Variants in LRRIQ1 observed in about 807,000 individuals in gnomAD.
The protein encoded by LRRIQ1 is leucine rich repeats and IQ motif containing 1, also known as leucine-rich repeat- and IQ domain-containing protein 1.
A neutral mutation model predicts 211.9 loss-of-function variants in LRRIQ1; 210 were observed. The observed-to-expected ratio is 0.99, with a 90% CI of 0.89 to 1.11. The LOEUF (loss-of-function observed/expected upper bound fraction) is 1.11. Ranked by LOEUF, LRRIQ1 falls within the 50% of genes most tolerant of loss-of-function variation. The pLI is 0.00. For synonymous variants in LRRIQ1, 699 were observed against 650.1 expected, an observed-to-expected ratio of 1.08 and a Z score of -1.14; for missense variants, 2,136 against 1,939.5, an observed-to-expected ratio of 1.10 and a Z score of -1.90.
At chr12:85,207,063 G>A (rs1893593806) in intron 24 of LRRIQ1, among the ~76,000 whole-genome samples, 1 of 152,132 alleles carries the variant, frequency 6.6e-6, no homozygotes, top group African/African-American at 2.4e-5. Context: ...TTCATGTCCT[G>A]GAGGACCGTG....
chr12:85,124,607 T>C, intron 17 of LRRIQ1, 88 bp downstream of exon 17: 2 of 1,016,318 alleles, frequency 2.0e-6, no homozygotes, highest in East Asian at 2.5e-5. Context: ...AGTAATTTGC[T>C]GAAGGATTCA....
At chr12:85,215,323 C>T (rs1339875838) in intron 24 of LRRIQ1, among the ~76,000 whole-genome samples, 1 of 152,120 alleles carries the variant, frequency 6.6e-6, no homozygotes, top group Middle Eastern at 3.2e-3. Flanking sequence ...TCATAGGAAG[C>T]CTTGCACAAG....
At chr12:85,105,626 A>G (rs956178162) in intron 14 of LRRIQ1, among the ~76,000 whole-genome samples, 1 of 151,662 alleles carries the variant, frequency 6.6e-6, no homozygotes, top group Non-Finnish European at 1.5e-5. Flanking sequence ...TACATTGAAC[A>G]TTGTAGATAG....
intron 24 of LRRIQ1, among the ~76,000 whole-genome samples, chr12:85,175,473 A>G (rs1891648043): frequency 6.6e-6 from 1 of 152,150 alleles, no homozygotes; most frequent in Admixed American, 6.5e-5. Context: ...AATCTAGGAG[A>G]TATAGGAAGT....
chr12:85,140,127 A>G (rs1266785407), intron 19 of LRRIQ1, among the ~76,000 whole-genome samples: 1 of 151,296 alleles, frequency 6.6e-6, no homozygotes, highest in Non-Finnish European at 1.5e-5. Flanking sequence ...TTTATCTCCA[A>G]TGTTTTTCAA....
chr12:85,171,892 G>T (rs1230061362), intron 24 of LRRIQ1, among the ~76,000 whole-genome samples: 1 of 152,132 alleles, frequency 6.6e-6, no homozygotes. Context: ...ACAACTGTGA[G>T]CAAATAAATT....
intron 15 of LRRIQ1, among the ~76,000 whole-genome samples, chr12:85,114,392 T>C (rs961650626): frequency 6.6e-6 from 1 of 152,186 alleles, no homozygotes; most frequent in Non-Finnish European, 1.5e-5. Context: ...ATCTTGCTGA[T>C]CTGGTGTCAC....
At chr12:85,212,202 C>T (rs1893867746) in intron 24 of LRRIQ1, among the ~76,000 whole-genome samples, 2 of 151,956 alleles carry the variant, frequency 1.3e-5, no homozygotes, top group African/African-American at 2.4e-5. Context: ...GGAGAATCAC[C>T]TGAGCCCAGG....
Position 85,067,904 on chromosome 12 carries a change from G to A in LRRIQ1, c.2695+1006G>A, listed in dbSNP as rs565811324. ...TTCTTCCCCTTTATTGTCAAGTTTC[G>A]GGAAAGAAAGAATGTTTTGTGTTTG... On this transcript the variant is annotated intron_variant, in intron 10 of 26. Coordinates refer to ENST00000393217, the MANE Select transcript of LRRIQ1 (RefSeq NM_001079910.2). Among the ~76,000 whole-genome samples the A allele has an allele frequency of 1.3e-4, 20 of 151,872 alleles. No homozygotes were observed. The East Asian group carries it at 3.5e-3, about 27-fold the overall frequency.
At position 85,055,769 on chromosome 12, in the gene LRRIQ1, G is replaced by A. The variant is rs763392354; in HGVS notation, c.976G>A (p.Ala326Thr). 17 of 1,604,514 alleles carry A rather than the reference G, an allele frequency of 1.1e-5. No homozygotes were observed. The highest frequency in any genetic ancestry group is 3.4e-6 in the Non-Finnish European group (4 of 1,175,276). The change falls in exon 8 of 27, where the codon GCA (alanine) becomes ACA (threonine). Residue 326 changes from alanine (A) to threonine (T), a missense_variant. Coordinates refer to ENST00000393217, the MANE Select transcript of LRRIQ1 (RefSeq NM_001079910.2). ...AGCACAAGAGTGGAAGGAAAAGGAA[G>A]CAAAAATACGACAAAAGGAGGAAGA... ...RKAQEWKEKE[A>T]KIRQKEEENR... is the part of the protein sequence containing the mutation.
chr12:85,198,543 G>A (rs568622098), intron 24 of LRRIQ1, among the ~76,000 whole-genome samples: 9 of 150,504 alleles, frequency 6.0e-5, no homozygotes, highest in African/African-American at 2.2e-4. Flanking sequence ...GTTTTAATTA[G>A]TATTTCTCTA....
At chr12:85,236,019 G>T (rs1391028726) in intron 26 of LRRIQ1, among the ~76,000 whole-genome samples, 1 of 152,120 alleles carries the variant, frequency 6.6e-6, no homozygotes, top group Non-Finnish European at 1.5e-5. Context: ...ATAGATCTAT[G>T]ACTCTGTACT....
chr12:85,043,306 C>T (rs1269682532), intron 3 of LRRIQ1, among the ~76,000 whole-genome samples: 1 of 151,976 alleles, frequency 6.6e-6, no homozygotes, highest in East Asian at 1.9e-4. Flanking sequence ...GAAGGCTTGA[C>T]TGGATTACAA....
At chr12:85,217,496 ATATATATATATATGTGTGTG>A (rs1477481557) in intron 24 of LRRIQ1, among the ~76,000 whole-genome samples, 10 of 78,334 alleles carry the variant, frequency 1.3e-4, no homozygotes, top group African/African-American at 6.4e-4. Context: ...ATATATGTAT[ATATATATATATATGTGTGTG>A]TGTGTGTGTG....
At chr12:85,163,559 A>C (rs1891005487) in intron 24 of LRRIQ1, among the ~76,000 whole-genome samples, 1 of 152,144 alleles carries the variant, frequency 6.6e-6, no homozygotes, top group Admixed American at 6.5e-5. Flanking sequence ...AATTTAAAAA[A>C]AAATTACTTT....
At chr12:85,194,502 A>G (rs1265453816) in intron 24 of LRRIQ1, among the ~76,000 whole-genome samples, 2 of 150,222 alleles carry the variant, frequency 1.3e-5, no homozygotes, top group Non-Finnish European at 3.0e-5. Flanking sequence ...TCAAACTAGA[A>G]CTCAGGATTA....
chr12:85,189,010 G>C (rs1892362568), intron 24 of LRRIQ1, among the ~76,000 whole-genome samples: 1 of 152,088 alleles, frequency 6.6e-6, no homozygotes, highest in Non-Finnish European at 1.5e-5. Flanking sequence ...TTTGGTAATA[G>C]AGACTGCACA....
At chr12:85,197,919 T>TA in intron 24 of LRRIQ1, among the ~76,000 whole-genome samples, 4 of 117,446 alleles carry the variant, frequency 3.4e-5, no homozygotes, top group Non-Finnish European at 5.0e-5. Flanking sequence ...ATAATAAAAA[T>TA]ATATATAATA....
chr12:85,208,481 A>G (rs867440259), intron 24 of LRRIQ1, among the ~76,000 whole-genome samples: 2 of 152,168 alleles, frequency 1.3e-5, no homozygotes, highest in South Asian at 4.1e-4. Flanking sequence ...AAGCCACAAG[A>G]ATGATAGTAA....
Sources: allele counts gnomAD v4.1 joint callset (sites outside exome capture counted in the v4.1 genomes callset), GRCh38; gene constraint gnomAD v4.1.1; transcripts MANE v1.5; gene names NCBI Gene and HGNC (gene_info 2026-07-23, HGNC 2026-07-21).